KLHL26: variants seen among roughly 807,000 people sequenced by gnomAD.
KLHL26 encodes kelch like family member 26.
A neutral mutation model predicts 7.1 loss-of-function variants in KLHL26; 4 were observed. The observed-to-expected ratio is 0.56, with a 90% CI of 0.28 to 1.28. The LOEUF (loss-of-function observed/expected upper bound fraction) is 1.28, where lower values mean the gene tolerates loss of function less well. KLHL26 is among the 50% of genes most tolerant of loss of function. KLHL26 has a pLI of 0.11. For synonymous variants in KLHL26, 465 were observed against 414.1 expected (o/e 1.12, Z -1.49); for missense variants, 896 against 924.6 (o/e 0.97, Z 0.40).
chr19:18,666,403 G>A (rs1184765427), intron 2 of KLHL26, among the ~76,000 whole-genome samples: 1 of 152,202 alleles, frequency 6.6e-6, no homozygotes, highest in Non-Finnish European at 1.5e-5. Context: ...TGGCAGGAGT[G>A]AGAGTTACTA....
intron 1 of KLHL26, among the ~76,000 whole-genome samples, chr19:18,663,407 C>T (rs935013701): frequency 2.6e-5 from 4 of 152,204 alleles, no homozygotes; most frequent in Non-Finnish European, 2.9e-5. Flanking sequence ...CTGTGTTTGA[C>T]GTTGGCTCTT....
intron 1 of KLHL26, among the ~76,000 whole-genome samples, chr19:18,652,418 C>T (rs144352665): frequency 0.018 from 2,743 of 152,032 alleles, 40 homozygotes; most frequent in Middle Eastern, 0.048. Context: ...GATGAAACCT[C>T]GTCTCTATTA....
intron 1 of KLHL26, among the ~76,000 whole-genome samples, chr19:18,651,986 C>G (rs2052263065): frequency 6.6e-6 from 1 of 152,188 alleles, no homozygotes. Flanking sequence ...CACTCGTCAG[C>G]CCTGGATGGG....
In KLHL26 at chr19:18,668,577, C is replaced by T. The variant is rs1478281133; in HGVS notation, c.1180C>T (p.Leu394=). 2 of 1,591,764 alleles carry T rather than the reference C, an allele frequency of 1.3e-6. No individual in the cohort carries two copies. The highest frequency in any genetic ancestry group is 1.3e-5 in the African/African-American group (1 of 74,842). The part of the protein sequence containing the change: ...YRYDPHLNRW[L]RLQAMQESRI... Reference sequence around the variant, plus strand: ...CTACGACCCCCACCTGAATCGCTGGCTGCGCCTGCAGGCCATGCAGGAAAG... The same window carrying T: ...CTACGACCCCCACCTGAATCGCTGGTTGCGCCTGCAGGCCATGCAGGAAAG... Residue 394 remains leucine (L), a synonymous_variant, in exon 3 of 3, where the codon CTG becomes TTG. Transcript: ENST00000300976.
In KLHL26 at chr19:18,667,687, G is replaced by C; in HGVS notation, c.290G>C (p.Arg97Pro). The change falls in exon 3 of 3, where the codon CGG (arginine) becomes CCG (proline). Residue 97 changes from arginine to proline, a missense_variant. Physicochemically the swap from Arg to Pro is moderately radical, Grantham distance 103. Transcript: ENST00000300976. ...AGGGCCATGTTCACCGGCGGCATGC[G>C]GGAGGCAAGCCAGGACGTCATCGAG... ...YFRAMFTGGMREASQDVIELK... is the reference protein window; with the variant it reads ...YFRAMFTGGMPEASQDVIELK... The C allele has an allele frequency of 3.1e-6, 5 of 1,611,956 alleles. No individual in the cohort carries two copies. The highest frequency in any genetic ancestry group is 3.4e-6 in the Non-Finnish European group (4 of 1,179,214).
intron 1 of KLHL26, among the ~76,000 whole-genome samples, chr19:18,661,991 C>G (rs60255715): frequency 0.085 from 13,000 of 152,248 alleles, 666 homozygotes; most frequent in Middle Eastern, 0.17. Flanking sequence ...GTGATCCTCT[C>G]ACCTCAGCCT....
intron 1 of KLHL26, among the ~76,000 whole-genome samples, chr19:18,651,664 C>T (rs537270118): frequency 8.5e-5 from 13 of 152,372 alleles, no homozygotes; most frequent in African/African-American, 2.9e-4. Flanking sequence ...GTGGCAGCCC[C>T]GTCCCTTCTG....
At chr19:18,652,300 C>G (rs987314740) in intron 1 of KLHL26, among the ~76,000 whole-genome samples, 12 of 152,032 alleles carry the variant, frequency 7.9e-5, no homozygotes, top group African/African-American at 2.9e-4. Context: ...AAGAGTTGGG[C>G]TCCAGCAGGC....
chr19:18,665,843 T>G (rs940187992), intron 2 of KLHL26, among the ~76,000 whole-genome samples: 82 of 152,044 alleles, frequency 5.4e-4, no homozygotes, highest in Non-Finnish European at 7.4e-5. Context: ...CTGGGGAGGC[T>G]CCCAGGCCCC....
At position 18,650,904 on chromosome 19, in the gene KLHL26, G is replaced by A. The variant is rs553711512; in HGVS notation, c.84-13357G>A. On this transcript the variant is annotated intron_variant, in intron 1 of 2. Transcript: ENST00000300976. The surrounding 1 kb of genome is among the most constrained non-coding windows in gnomAD (Gnocchi z 4.2). ...CGGGGCTTCCTGACCCCTCAGCCCC[G>A]GTAGGAAGCTGGTGTGCACTGCAGG... 1.1e-4 allele frequency among the ~76,000 whole-genome samples: 16 copies of A among 152,116 alleles called. No individual in the cohort carries two copies. The East Asian group carries it at 1.2e-3, about 11-fold the overall frequency.
At position 18,669,657 on chromosome 19, in the gene KLHL26, C is replaced by T. The variant is rs948172342; in HGVS notation, c.*412C>T. On this transcript the variant is annotated 3_prime_UTR_variant, in exon 3 of 3. Transcript: ENST00000300976. ...AGCTCATCAACATTGAACCCAAAGT[C>T]GGTGGTATATGACTCACCCTCCTTC... 5.8e-6 allele frequency: 2 copies of T among 342,612 alleles called. No individual in the cohort carries two copies. Among genetic ancestry groups the T allele is most frequent in the Non-Finnish European group, 1.1e-5 (2 of 188,252 alleles). 21.2% of individuals were successfully genotyped at this position (342,612 alleles called of 1,614,324 possible). A position where few individuals can be genotyped will look rare whatever the true frequency, so the allele number is the denominator to read the frequency against.
rs1330833201 is a variant in KLHL26 at position 18,671,193 on chromosome 19, T to C, written c.*1948T>C. ...GATATCACACACACATGGATCTCCA[T>C]AAGTTGCTGTGCCTGCATGCCTGGC... On this transcript the variant is annotated 3_prime_UTR_variant, in exon 3 of 3. Coordinates refer to ENST00000300976, the MANE Select transcript of KLHL26 (RefSeq NM_018316.3). 2 of 152,224 alleles carry C rather than the reference T, an allele frequency of 1.3e-5. No individual in the cohort carries two copies. The highest frequency in any genetic ancestry group is 3.8e-4 in the East Asian group (2 of 5,196). The allele number at this position is 152,224 out of a possible 1,614,324, so 9.4% of individuals were successfully genotyped here.
At chr19:18,638,940 T>C (rs1976664972) in intron 1 of KLHL26, among the ~76,000 whole-genome samples, 1 of 152,116 alleles carries the variant, frequency 6.6e-6, no homozygotes. Flanking sequence ...GCTCAAGCAA[T>C]CTTCTTGCCT....
At position 18,656,897 on chromosome 19, in the gene KLHL26, C is replaced by T. The variant is rs1300487569; in HGVS notation, c.84-7364C>T. 6.6e-6 allele frequency among the ~76,000 whole-genome samples: 1 copy of T among 152,152 alleles called. No individual in the cohort carries two copies. The highest frequency in any genetic ancestry group is 1.5e-5 in the Non-Finnish European group (1 of 68,008). On this transcript the variant is annotated intron_variant, in intron 1 of 2. Transcript: ENST00000300976. This position sits in a 1 kb window ranked among gnomAD's most constrained non-coding sequence, Gnocchi z 4.4. ...AGCAGGAGGGAGACACAGACAGCTGCACCCTGGCGGCCCCTGAGCTGCAGT... is the reference window on the plus strand; with the variant it reads ...AGCAGGAGGGAGACACAGACAGCTGTACCCTGGCGGCCCCTGAGCTGCAGT...
intron 1 of KLHL26, among the ~76,000 whole-genome samples, chr19:18,658,629 C>A (rs2052359573): frequency 1.3e-5 from 2 of 149,718 alleles, no homozygotes; most frequent in African/African-American, 5.0e-5. Flanking sequence ...GTCTCCGTCT[C>A]CCTGTCTCTA....
chr19:18,653,761 C>CACCCATCCACCG (rs1490407031), intron 1 of KLHL26, among the ~76,000 whole-genome samples: 1 of 6,244 alleles, frequency 1.6e-4, no homozygotes, highest in Non-Finnish European at 2.7e-4. Context: ...CCCATCCATC[C>CACCCATCCACCG]GCCCTTCCAT....
At chr19:18,652,210 G>A (rs1025885827) in intron 1 of KLHL26, among the ~76,000 whole-genome samples, 7 of 152,108 alleles carry the variant, frequency 4.6e-5, no homozygotes, top group Non-Finnish European at 8.8e-5. Flanking sequence ...TGAGGGCTTC[G>A]CGGTGGATCC....
chr19:18,650,135 T>C lies in KLHL26; in HGVS notation c.83+12998T>C, dbSNP rs921180529. Among the ~76,000 whole-genome samples the C allele has an allele frequency of 6.6e-6, 1 of 152,118 alleles. No individual in the cohort carries two copies. The highest frequency in any genetic ancestry group is 2.4e-5 in the African/African-American group (1 of 41,418). On this transcript the variant is annotated intron_variant, in intron 1 of 2. Transcript: ENST00000300976. This position sits in a 1 kb window ranked among gnomAD's most constrained non-coding sequence, Gnocchi z 4.2. ...GTCACCCGAGGATCGAGGCCGAAGA[T>C]GTTTACTGACGCCACAACTGTGAAA...
At chr19:18,655,518 C>A (rs150266679) in intron 1 of KLHL26, among the ~76,000 whole-genome samples, 3 of 152,234 alleles carry the variant, frequency 2.0e-5, no homozygotes, top group Admixed American at 2.0e-4. Context: ...GCCTTCATTT[C>A]CCCATCTGTA....
Sources: gnomAD v4.1 joint callset for allele counts (sites outside exome capture counted in the v4.1 genomes callset) on GRCh38, gnomAD v4.1.1 for gene constraint, Gnocchi (gnomAD v3.1) non-coding constraint, MANE v1.5 for transcripts, NCBI Gene and HGNC (gene_info 2026-07-23, HGNC 2026-07-21) for gene names.